TFF1: variants seen among roughly 807,000 people sequenced by gnomAD.
TFF1 encodes the protein trefoil factor 1.
In TFF1, 8 loss-of-function variants were observed where a neutral mutation model predicts 7.7. The ratio of observed to expected loss-of-function variants is 1.04; its 90% CI spans 0.61 to 1.87. The LOEUF is 1.87. TFF1 is among the 40% of genes most tolerant of loss of function. The pLI, the probability that TFF1 is intolerant of heterozygous loss-of-function variation, is 0.00. For missense variants in TFF1, 120 were observed against 113.4 expected (o/e 1.06, Z -0.26); for synonymous variants, 47 against 44.8 (o/e 1.05, Z -0.19).
intron 1 of TFF1, among the ~76,000 whole-genome samples, chr21:42,363,702 A>G (rs913290272): frequency 5.9e-5 from 9 of 152,238 alleles, no homozygotes; most frequent in African/African-American, 2.2e-4. Flanking sequence ...CAATACATAA[A>G]TATTTACTGA....
intron 2 of TFF1, among the ~76,000 whole-genome samples, 194 bp from the exon 3 acceptor site, chr21:42,362,689 C>T (rs1048944665): frequency 6.6e-6 from 1 of 152,152 alleles, no homozygotes; most frequent in African/African-American, 2.4e-5. Flanking sequence ...GGGCAGATCA[C>T]CTGAGGTCAA....
chr21:42,363,504 A>G, intron 1 of TFF1, 97 bp from the exon 2 acceptor site: 2 of 1,438,612 alleles, frequency 1.4e-6, no homozygotes, highest in Non-Finnish European at 1.9e-6. Context: ...CAATGACATC[A>G]GCAACTGTCC....
intron 1 of TFF1, among the ~76,000 whole-genome samples, chr21:42,365,879 G>C (rs949733690): frequency 6.6e-6 from 1 of 152,152 alleles, no homozygotes. Context: ...TGAGAGAGGT[G>C]GCTTTGACTC....
Position 42,362,445 on chromosome 21 carries a change from G to A in TFF1, c.*34C>T, listed in dbSNP as rs368852680. 76 of 1,569,612 alleles carry A rather than the reference G, an allele frequency of 4.8e-5. No homozygotes were observed. Among genetic ancestry groups the A allele is most frequent in the Admixed American group, 1.1e-4 (6 of 54,090 alleles). ...TAATCACCGTGCTGGGGACGGCACC[G>A]CGTCAGGATGCAGGCAGATCCCTGC... is the stretch of plus-strand genomic sequence containing the variant. On this transcript the variant is annotated 3_prime_UTR_variant, in exon 3 of 3. Coordinates refer to ENST00000291527, the MANE Select transcript of TFF1 (RefSeq NM_003225.3).
Position 42,362,398 on chromosome 21 carries a change from G to A in TFF1, c.*81C>T. On this transcript the variant is annotated 3_prime_UTR_variant, in exon 3 of 3. Coordinates refer to ENST00000291527, the MANE Select transcript of TFF1 (RefSeq NM_003225.3). ...AAGCGTGTCTGAGGTGTCCGGTGGA[G>A]GTGGCAGCCGAGCTCTGGGACTAAT... 4 of 1,502,586 alleles carry A rather than the reference G, an allele frequency of 2.7e-6. No individual in the cohort carries two copies. Among genetic ancestry groups the A allele is most frequent in the Non-Finnish European group, 3.6e-6 (4 of 1,108,876 alleles). 93.1% of individuals were successfully genotyped at this position (1,502,586 alleles called of 1,614,324 possible). A position where few individuals can be genotyped will look rare whatever the true frequency, so the allele number is the denominator to read the frequency against.
intron 1 of TFF1, among the ~76,000 whole-genome samples, chr21:42,364,106 CAAA>C (rs34872461): frequency 3.5e-5 from 4 of 112,824 alleles, no homozygotes; most frequent in African/African-American, 6.5e-5. Context: ...GACTCCATCT[CAAA>C]AAAAAAAAAA....
chr21:42,362,406 C>A lies in TFF1; in HGVS notation c.*73G>T. 6.5e-7 allele frequency: 1 copy of A among 1,533,808 alleles called. No individual in the cohort carries two copies. Among genetic ancestry groups the A allele is most frequent in the East Asian group, 2.5e-5 (1 of 40,730 alleles). On this transcript the variant is annotated 3_prime_UTR_variant, in exon 3 of 3. Coordinates refer to ENST00000291527, the MANE Select transcript of TFF1 (RefSeq NM_003225.3). ...CTGAGGTGTCCGGTGGAGGTGGCAG[C>A]CGAGCTCTGGGACTAATCACCGTGC...
At chr21:42,362,853 C>CG (rs1314669795) in intron 2 of TFF1, among the ~76,000 whole-genome samples, 5 of 149,370 alleles carry the variant, frequency 3.3e-5, no homozygotes, top group African/African-American at 1.2e-4. Flanking sequence ...GAGCCAAGAT[C>CG]GCACCATTGC....
intron 1 of TFF1, 75 bp downstream of exon 1, chr21:42,366,336 T>A: frequency 8.4e-7 from 1 of 1,184,192 alleles, no homozygotes; most frequent in East Asian, 2.4e-5. Context: ...AAAATATGTA[T>A]GTAAAACAGT....
At chr21:42,366,099 C>T (rs886302091) in intron 1 of TFF1, among the ~76,000 whole-genome samples, 1 of 152,122 alleles carries the variant, frequency 6.6e-6, no homozygotes. Context: ...ATTCTGAGAC[C>T]CCACGCCAAC....
chr21:42,363,556 G>C, intron 1 of TFF1, 149 bp from the exon 2 acceptor site: 1 of 1,040,718 alleles, frequency 9.6e-7, no homozygotes, highest in Non-Finnish European at 1.4e-6. Context: ...AGAGGGAGAC[G>C]TGGTCCTCAC....
Position 42,362,428 on chromosome 21 carries a change from G to T in TFF1, c.*51C>A. 2 of 1,559,304 alleles carry T rather than the reference G, an allele frequency of 1.3e-6. No individual in the cohort carries two copies. Among genetic ancestry groups the T allele is most frequent in the South Asian group, 1.2e-5 (1 of 83,890 alleles). On this transcript the variant is annotated 3_prime_UTR_variant, in exon 3 of 3. Coordinates refer to ENST00000291527, the MANE Select transcript of TFF1 (RefSeq NM_003225.3). ...CAGCCGAGCTCTGGGACTAATCACC[G>T]TGCTGGGGACGGCACCGCGTCAGGA...
At chr21:42,366,178 C>T (rs1219993328) in intron 1 of TFF1, among the ~76,000 whole-genome samples, 1 of 152,170 alleles carries the variant, frequency 6.6e-6, no homozygotes, top group African/African-American at 2.4e-5. Context: ...ACAGCCCCGA[C>T]TGAAGGCAGC....
In TFF1 at chr21:42,366,408, T is replaced by C; in HGVS notation, c.85+3A>G. 2 of 1,608,296 alleles carry C rather than the reference T, an allele frequency of 1.2e-6. No homozygotes were observed. The highest frequency in any genetic ancestry group is 2.2e-5 in the South Asian group (2 of 90,820). On this transcript the variant is annotated splice_donor_region_variant and intron_variant, in intron 1 of 2. Coordinates refer to ENST00000291527, the MANE Select transcript of TFF1 (RefSeq NM_003225.3). ...CCACAGAGCAGGAAGAAGCACGCCT[T>C]ACCTGTCTGGGCCTCGGCCAGGGTG...
intron 1 of TFF1, among the ~76,000 whole-genome samples, chr21:42,364,478 T>C (rs2052263516): frequency 6.6e-6 from 1 of 152,136 alleles, no homozygotes; most frequent in Admixed American, 6.5e-5. Context: ...GGAAGACACG[T>C]GGACAGATGG....
rs1444042283 is a variant in TFF1, at chr21:42,366,401, C to T, written c.85+10G>A. On this transcript the variant is annotated intron_variant, in intron 1 of 2. Coordinates refer to ENST00000291527, the MANE Select transcript of TFF1 (RefSeq NM_003225.3). ...TGTGGCCCCACAGAGCAGGAAGAAG[C>T]ACGCCTTACCTGTCTGGGCCTCGGC... 6.3e-7 allele frequency: 1 copy of T among 1,599,394 alleles called. No individual in the cohort carries two copies. The highest frequency in any genetic ancestry group is 8.6e-7 in the Non-Finnish European group (1 of 1,169,190).
chr21:42,366,370 G>A (rs372267674), intron 1 of TFF1, 41 bp downstream of exon 1: 22 of 1,509,262 alleles, frequency 1.5e-5, no homozygotes, highest in Non-Finnish European at 1.9e-5. Flanking sequence ...GGCTGCCAGA[G>A]CTGGCTGTGG....
At chr21:42,363,210 A>G (rs755288460) in intron 2 of TFF1, 45 bp downstream of exon 2, 1 of 1,612,838 alleles carries the variant, frequency 6.2e-7, no homozygotes, top group Admixed American at 1.7e-5. Context: ...TGACTTTTCT[A>G]ACTAATTCTA....
intron 2 of TFF1, 133 bp downstream of exon 2, chr21:42,363,122 A>G: frequency 8.5e-7 from 1 of 1,182,714 alleles, no homozygotes. Context: ...AGGCTACCCC[A>G]TTGCACCACC....
Sources: allele counts gnomAD v4.1 joint callset (sites outside exome capture counted in the v4.1 genomes callset), GRCh38; gene constraint gnomAD v4.1.1; transcripts MANE v1.5; gene names NCBI Gene and HGNC (gene_info 2026-07-23, HGNC 2026-07-21).